The following BLOC1S3 variants were observed in gnomAD, a reference collection of about 807,000 sequenced individuals.
BLOC1S3 encodes biogenesis of lysosomal organelles complex 1 subunit 3, also known as biogenesis of lysosome-related organelles complex 1 subunit 3.
In BLOC1S3, 7 loss-of-function variants were observed where a neutral mutation model predicts 9.1. The observed-to-expected ratio is 0.77, with a 90% CI of 0.44 to 1.45. The LOEUF (loss-of-function observed/expected upper bound fraction) is 1.45, where lower values mean the gene tolerates loss of function less well. BLOC1S3 is among the 40% of genes most tolerant of loss of function. The probability of loss-of-function intolerance (pLI) is 0.01; values close to 1 mark genes in which losing one functional copy is unlikely to be tolerated. For missense variants in BLOC1S3, 307 were observed against 315.2 expected, an observed-to-expected ratio of 0.97 and a Z score of 0.20; for synonymous variants, 145 against 158.4, an observed-to-expected ratio of 0.92 and a Z score of 0.64.
At chr19:45,191,901 C>T (rs945252988) in intron 2 of BLOC1S3, among the ~76,000 whole-genome samples, 42 of 152,332 alleles carry the variant, frequency 2.8e-4, no homozygotes, top group African/African-American at 9.9e-4. Context: ...GGGGTCTCCC[C>T]CAAGGCCCGT....
At chr19:45,196,453 C>A (rs1969649117) in intron 2 of BLOC1S3, among the ~76,000 whole-genome samples, 1 of 151,994 alleles carries the variant, frequency 6.6e-6, no homozygotes, top group Non-Finnish European at 1.5e-5. Context: ...AGGTCTGACC[C>A]CTCTGGGTGG....
At chr19:45,190,195 C>A (rs114399008) in intron 2 of BLOC1S3, among the ~76,000 whole-genome samples, 5,886 of 151,452 alleles carry the variant, frequency 0.039, 366 homozygotes, top group African/African-American at 0.14. Context: ...GTGAGAGACT[C>A]TGATGCATTC....
At chr19:45,216,026 G>C in intron 3 of BLOC1S3, 1 of 1,606,108 alleles carries the variant, frequency 6.2e-7, no homozygotes, top group Non-Finnish European at 8.5e-7. Context: ...GCCGCCAGGA[G>C]ACCTCGGCCA....
chr19:45,180,195 T>A lies in BLOC1S3; in HGVS notation c.*290T>A. On this transcript the variant is annotated 3_prime_UTR_variant, in exon 2 of 2. Transcript: ENST00000433642. ...GGGCTTGGCTCCAGCCTTTGTTACA[T>A]AGTTGCTCCTTAATCTGTTTCCACC... 1 of 337,794 alleles carries A rather than the reference T, an allele frequency of 3.0e-6. No individual in the cohort carries two copies. The allele number at this position is 337,794 out of a possible 1,614,324, so 20.9% of individuals were successfully genotyped here. A position where few individuals can be genotyped will look rare whatever the true frequency, so the allele number is the denominator to read the frequency against.
At chr19:45,195,977 G>T (rs1289718465) in intron 2 of BLOC1S3, among the ~76,000 whole-genome samples, 2 of 152,170 alleles carry the variant, frequency 1.3e-5, no homozygotes, top group Non-Finnish European at 2.9e-5. Flanking sequence ...TACTTATACG[G>T]TGACCAAGCC....
intron 1 of BLOC1S3, chr19:45,187,505 C>T (rs533286266): frequency 6.6e-6 from 1 of 152,494 alleles, no homozygotes; most frequent in African/African-American, 2.4e-5. Flanking sequence ...TGACCCAGGG[C>T]CCTTTGTGAT....
At chr19:45,188,549 AATTATT>A (rs61583899) in intron 2 of BLOC1S3, among the ~76,000 whole-genome samples, 10,188 of 143,252 alleles carry the variant, frequency 0.071, 554 homozygotes, top group Non-Finnish European at 0.099. Context: ...CATTCTTTCT[AATTATT>A]ATTATTATTA....
At chr19:45,186,069 C>T (rs1006678950), downstream of BLOC1S3, among the ~76,000 whole-genome samples, 6 of 151,822 alleles carry the variant, frequency 4.0e-5, no homozygotes, top group East Asian at 5.9e-4. Flanking sequence ...GCCAAGATTG[C>T]GCCACTGCAC....
At chr19:45,214,456 G>GTGTTTGTTTGTTTGTT (rs57770472) in intron 3 of BLOC1S3, among the ~76,000 whole-genome samples, 1 of 151,446 alleles carries the variant, frequency 6.6e-6, no homozygotes, top group African/African-American at 2.4e-5. Flanking sequence ...GTTTTTTTGT[G>GTGTTTGTTTGTTTGTT]TGTTTGTTTG....
intron 2 of BLOC1S3, among the ~76,000 whole-genome samples, chr19:45,199,680 CTTCTCTTCTG>C (rs200726585): frequency 0.025 from 3,727 of 151,480 alleles, 85 homozygotes; most frequent in African/African-American, 0.06. Flanking sequence ...TCTCTTTTCT[CTTCTCTTCTG>C]TTCTCTTCTG....
At chr19:45,216,756 G>A (rs1969839517) in exon 4 of BLOC1S3, 1 of 152,430 alleles carries the variant, frequency 6.6e-6, no homozygotes, top group African/African-American at 2.4e-5. Context: ...CGGGGATGGA[G>A]ACTGGACAAA....
In BLOC1S3 at chr19:45,179,850, A is replaced by C. The variant is rs561086658; in HGVS notation, c.554A>C (p.Asp185Ala). 6.2e-7 allele frequency: 1 copy of C among 1,609,272 alleles called. No individual in the cohort carries two copies. The highest frequency in any genetic ancestry group is 1.3e-5 in the African/African-American group (1 of 74,356). ...GTGGCTGGCTGCCGCCTGCTGCCGG[A>C]CATCCGCGGCGTGCCAGGGACCGAG... ...DIVAGCRLLP[D>A]IRGVPGTEPE... Residue 185 changes from aspartate to alanine, a missense_variant, in exon 2 of 2, where the codon GAC becomes GCC. Physicochemically the swap from Asp to Ala is moderately radical, Grantham distance 126 (BLOSUM62 -2). Transcript: ENST00000433642. This position sits in a 1 kb window ranked among gnomAD's most constrained non-coding sequence, Gnocchi z 4.6.
At chr19:45,202,475 C>G (rs1350171022) in exon 3 of BLOC1S3, 2 of 153,882 alleles carry the variant, frequency 1.3e-5, no homozygotes, top group Non-Finnish European at 2.9e-5. Flanking sequence ...CTGATGTTCA[C>G]TCAAGGCCCA....
intron 3 of BLOC1S3, chr19:45,213,014 G>A (rs902134118): frequency 2.8e-6 from 4 of 1,426,554 alleles, no homozygotes; most frequent in Non-Finnish European, 3.7e-6. Context: ...CCGTACGGGA[G>A]GTTGGCTTGT....
rs1969717367 is a variant in BLOC1S3, at chr19:45,205,138, G to A, written n.282+2631G>A. Among the ~76,000 whole-genome samples, 9 of 151,372 alleles carry A rather than the reference G, an allele frequency of 5.9e-5. No individual in the cohort carries two copies. The Admixed American group carries it at 6.0e-4, about 10-fold the overall frequency. On this transcript the variant is annotated intron_variant and non_coding_transcript_variant, in intron 3 of 3. Coordinates refer to the BLOC1S3 transcript ENST00000591569. ...GATTTCAGACTAAATGAAAAAGCAT[G>A]ACCCAACTCTATGCTGCCCACAAGA...
Position 45,179,114 on chromosome 19 carries a change from C to G in BLOC1S3, c.-9-174C>G. On this transcript the variant is annotated intron_variant, in intron 1 of 1. Coordinates refer to ENST00000433642, the MANE Select transcript of BLOC1S3 (RefSeq NM_212550.5). The surrounding 1 kb of genome is among the most constrained non-coding windows in gnomAD (Gnocchi z 4.6). Reference sequence around the variant, plus strand: ...ATCTGTACGCTGAAGAGCCTGGGGTCCAGTAACCCCCATCATCACCCAGTT... The same window carrying G: ...ATCTGTACGCTGAAGAGCCTGGGGTGCAGTAACCCCCATCATCACCCAGTT... 1 of 625,588 alleles carries G rather than the reference C, an allele frequency of 1.6e-6. No homozygotes were observed. The highest frequency in any genetic ancestry group is 1.9e-5 in the African/African-American group (1 of 51,548). The allele number at this position is 625,588 out of a possible 1,614,324, so 38.8% of individuals were successfully genotyped here. A position where few individuals can be genotyped will look rare whatever the true frequency, so the allele number is the denominator to read the frequency against.
chr19:45,196,683 G>A (rs910359982), intron 2 of BLOC1S3, among the ~76,000 whole-genome samples: 3 of 151,804 alleles, frequency 2.0e-5, no homozygotes, highest in African/African-American at 7.3e-5. Context: ...ATAAGGTCAG[G>A]AGATCAAGAC....
downstream of BLOC1S3, among the ~76,000 whole-genome samples, chr19:45,185,668 C>T (rs1044071464): frequency 1.3e-5 from 2 of 151,732 alleles, no homozygotes; most frequent in Non-Finnish European, 2.9e-5. Context: ...TATAGAGGGG[C>T]CTTTGGCAGG....
downstream of BLOC1S3, among the ~76,000 whole-genome samples, chr19:45,182,786 A>ACTTT (rs763707440): frequency 6.6e-6 from 1 of 152,214 alleles, no homozygotes; most frequent in Non-Finnish European, 1.5e-5. Flanking sequence ...CCAAAGGGCT[A>ACTTT]GGATTACAGG....
Sources: gnomAD v4.1 joint callset for allele counts (sites outside exome capture counted in the v4.1 genomes callset) on GRCh38, gnomAD v4.1.1 for gene constraint, Gnocchi (gnomAD v3.1) non-coding constraint, MANE v1.5 for transcripts, NCBI Gene and HGNC (gene_info 2026-07-23, HGNC 2026-07-21) for gene names.